The following ZAN variants were observed in gnomAD, a reference collection of about 807,000 sequenced individuals.
The protein encoded by ZAN is zonadhesin.
ZAN carries 260 observed loss-of-function variants against 286.2 expected under a neutral mutation model. The ratio of observed to expected loss-of-function variants is 0.91; its 90% CI spans 0.82 to 1.01. ZAN has a LOEUF of 1.01. ZAN is among the 50% of genes least tolerant of loss of function. The pLI is 0.00. For missense variants in ZAN, 3,410 were observed against 3,639.2 expected, an observed-to-expected ratio of 0.94 and a Z score of 1.62; for synonymous variants, 1,368 against 1,417.5, an observed-to-expected ratio of 0.97 and a Z score of 0.79.
At chr7:100,766,687 G>A in intron 24 of ZAN, 21 bp downstream of exon 24, 1 of 1,559,724 alleles carries the variant, frequency 6.4e-7, no homozygotes, top group South Asian at 1.2e-5. Context: ...AGGGTGGAAG[G>A]TGAGCTGGGG....
chr7:100,791,977 C>T lies in ZAN; in HGVS notation c.7541C>T (p.Ala2514Val), dbSNP rs1057015580. 3.7e-6 allele frequency: 6 copies of T among 1,612,178 alleles called. No homozygotes were observed. Among genetic ancestry groups the T allele is most frequent in the South Asian group, 1.1e-5 (1 of 90,762 alleles). Residue 2514 changes from alanine (A) to valine (V), a missense_variant, in exon 41 of 48, where the codon GCG (alanine) becomes GTG (valine). By Grantham distance (64) the Ala-to-Val change is moderately conservative (BLOSUM62 0). This residue lies in a region of ZAN where 1,289 missense variants were observed against 1,314.3 expected (regional missense o/e 0.98). Transcript: ENST00000613979. ...TGTCTCTACTGCAGGGCTATACCAG[C>T]GGAGGAGGAGGGACAAGGGGCGGAG... ...ALLRFPRAIP[A>V]EEEGQGAELG... is the part of the protein sequence containing the mutation.
Position 100,765,535 on chromosome 7 carries a change from C to T in ZAN, c.4451C>T (p.Pro1484Leu), listed in dbSNP as rs758507234. 5.0e-6 allele frequency: 8 copies of T among 1,606,196 alleles called. No homozygotes were observed. In the South Asian group the frequency reaches 7.8e-5, roughly 16 times the overall value. ...CGCTCCCAGTGTGGGTGCCTCCACC[C>T]TGCAGGCAGCTACTTCAAGGTGAGC... ...IPRSQCGCLHPAGSYFKVGER... is the reference protein window; with the variant it reads ...IPRSQCGCLHLAGSYFKVGER... The change falls in exon 23 of 48, where the codon CCT (proline) becomes CTT (leucine). Residue 1484 changes from proline to leucine, a missense_variant. This residue lies in a region of ZAN where 1,042 missense variants were observed against 1,058.0 expected (regional missense o/e 0.98). Coordinates refer to ENST00000613979, the MANE Select transcript of ZAN (RefSeq NM_003386.3).
chr7:100,765,478 G>C lies in ZAN; in HGVS notation c.4394G>C (p.Gly1465Ala), dbSNP rs187403309. 6.2e-7 allele frequency: 1 copy of C among 1,613,218 alleles called. No individual in the cohort carries two copies. Among genetic ancestry groups the C allele is most frequent in the South Asian group, 1.1e-5 (1 of 90,872 alleles). The change falls in exon 23 of 48, where the codon GGC (glycine) becomes GCC (alanine). Residue 1465 changes from glycine (G) to alanine (A), a missense_variant. By Grantham distance (60) the Gly-to-Ala change is moderately conservative. Transcript: ENST00000613979. Reference sequence around the variant, plus strand: ...GTGGAGGCCTGTGAATGCAATCCGGGCTTCGTCCTCAGTGGCCTCGAGTGC... The same window carrying C: ...GTGGAGGCCTGTGAATGCAATCCGGCCTTCGTCCTCAGTGGCCTCGAGTGC... The part of the protein sequence containing the change: ...RCVEACECNP[G>A]FVLSGLECIP...
Position 100,738,248 on chromosome 7 carries a change from G to A in ZAN, c.614-213G>A, listed in dbSNP as rs937260894. ...CTGGGATTACAGGAGTTAAGTCACC[G>A]TGCCAAGAACTTTTTAAAAATTAGC... On this transcript the variant is annotated intron_variant, in intron 6 of 47. Transcript: ENST00000613979. Among the ~76,000 whole-genome samples the A allele has an allele frequency of 1.4e-5, 2 of 139,952 alleles. 1 individual carries two copies. The highest frequency in any genetic ancestry group is 5.2e-5 in the African/African-American group (2 of 38,284). The allele number at this position is 139,952 out of a possible 152,430, so 91.8% of individuals were successfully genotyped here.
intron 14 of ZAN, 134 bp from the exon 15 acceptor site, chr7:100,755,092 C>T (rs2115884085): frequency 9.3e-7 from 1 of 1,071,462 alleles, no homozygotes; most frequent in South Asian, 1.6e-5. Flanking sequence ...ACCCAGCCTT[C>T]AGGCCTTTTT....
At chr7:100,789,473 G>C in intron 39 of ZAN, 126 bp downstream of exon 39, 1 of 1,431,626 alleles carries the variant, frequency 7.0e-7, no homozygotes, top group Admixed American at 2.1e-5. Context: ...CAGCTTCAGA[G>C]GAGGACCAGG....
At chr7:100,793,127 C>A (rs114439146) in intron 42 of ZAN, among the ~76,000 whole-genome samples, 2,940 of 151,922 alleles carry the variant, frequency 0.019, 100 homozygotes, top group African/African-American at 0.067. Flanking sequence ...TCAATTGAAT[C>A]CAAGAGTTTG....
At chr7:100,762,102 C>A in intron 19 of ZAN, 113 bp from the exon 20 acceptor site, 1 of 1,363,508 alleles carries the variant, frequency 7.3e-7, no homozygotes, top group Non-Finnish European at 1.0e-6. Flanking sequence ...ACCTCTTCAT[C>A]CTCCTCACGC....
At chr7:100,750,940 G>A in intron 12 of ZAN, 44 bp downstream of exon 12, 1 of 1,514,358 alleles carries the variant, frequency 6.6e-7, no homozygotes, top group Non-Finnish European at 8.8e-7. Context: ...AGGTGAGAGG[G>A]CCAATGCCTG....
intron 15 of ZAN, 104 bp downstream of exon 15, chr7:100,755,514 A>G: frequency 7.3e-7 from 1 of 1,365,624 alleles, no homozygotes; most frequent in South Asian, 1.4e-5. Flanking sequence ...GGATCACCGG[A>G]TAGTCCCAAG....
At position 100,773,830 on chromosome 7, in the gene ZAN, G is replaced by C. The variant is rs1382952755; in HGVS notation, c.5744G>C (p.Trp1915Ser). The C allele has an allele frequency of 1.3e-6, 2 of 1,589,710 alleles. No homozygotes were observed. The change falls in exon 31 of 48, where the codon TGG becomes TCG. Residue 1915 changes from tryptophan to serine, a missense_variant. Around this residue, in one of 7 missense-constraint regions of ZAN, gnomAD observed 1,289 missense variants for 1,314.3 expected, o/e 0.98. Transcript: ENST00000613979. ...ACCTGCAAACCCAACCAGATATGCT[G>C]GGCCCTGGATGGGCTGCTCCATTGT... is the stretch of plus-strand genomic sequence containing the variant. ...QSTCKPNQIC[W>S]ALDGLLHCRA... is the part of the protein sequence containing the mutation.
At chr7:100,769,817 G>A (rs1303546382) in intron 27 of ZAN, 63 bp from the exon 28 acceptor site, 2 of 1,459,894 alleles carry the variant, frequency 1.4e-6, no homozygotes, top group Admixed American at 2.0e-5. Flanking sequence ...AAAGTGCTGG[G>A]ATTATAGGCA....
At chr7:100,773,641 G>A in intron 30 of ZAN, 80 bp from the exon 31 acceptor site, 2 of 1,553,924 alleles carry the variant, frequency 1.3e-6, no homozygotes, top group East Asian at 4.7e-5. Context: ...GGCAGATGCT[G>A]CACCCAGCTT....
At chr7:100,788,377 G>A (rs1007509534) in intron 38 of ZAN, among the ~76,000 whole-genome samples, 1 of 151,758 alleles carries the variant, frequency 6.6e-6, no homozygotes, top group Non-Finnish European at 1.5e-5. Context: ...ATAGCAAGAC[G>A]CAACATCTCT....
rs1384952877 is a variant in ZAN, at chr7:100,759,770, C to T, written c.3621C>T (p.Gly1207=). The change falls in exon 18 of 48, where the codon GGC becomes GGT. Residue 1207 remains glycine, a synonymous_variant. Coordinates refer to ENST00000613979, the MANE Select transcript of ZAN (RefSeq NM_003386.3). ...TAKNEEQGQE[G]VSCLSKVYVT... Reference sequence around the variant, plus strand: ...AGAATGAGGAGCAGGGACAGGAAGGCGTGTCCTGCCTGAGCAAAGTCTACG... The same window carrying T: ...AGAATGAGGAGCAGGGACAGGAAGGTGTGTCCTGCCTGAGCAAAGTCTACG... 15 of 1,601,054 alleles carry T rather than the reference C, an allele frequency of 9.4e-6. No homozygotes were observed. Among genetic ancestry groups the T allele is most frequent in the Non-Finnish European group, 1.2e-5 (14 of 1,174,070 alleles).
At chr7:100,739,171 C>T (rs1807572146) in intron 7 of ZAN, among the ~76,000 whole-genome samples, 1 of 134,710 alleles carries the variant, frequency 7.4e-6, no homozygotes, top group Admixed American at 7.5e-5. Context: ...ACCACCATGC[C>T]CGGCTAATTT....
intron 19 of ZAN, 75 bp from the exon 20 acceptor site, chr7:100,762,140 C>T: frequency 6.3e-7 from 1 of 1,585,480 alleles, no homozygotes. Context: ...CAGCTCCTTG[C>T]CTTCTCTGCC....
At chr7:100,765,951 C>T (rs1369996757) in intron 23 of ZAN, among the ~76,000 whole-genome samples, 2 of 151,376 alleles carry the variant, frequency 1.3e-5, no homozygotes, top group East Asian at 1.9e-4. Context: ...GCCACCATGC[C>T]TGGCCCTTGT....
In ZAN at chr7:100,734,550, C is replaced by T. The variant is rs183769838; in HGVS notation, c.53+329C>T. On this transcript the variant is annotated intron_variant, in intron 2 of 47. Coordinates refer to ENST00000613979, the MANE Select transcript of ZAN (RefSeq NM_003386.3). ...AGGAGAATCGCTTGAACCTGGGAGG[C>T]GGAGTTTGCAGTGAGCTGAGATCAT... Among the ~76,000 whole-genome samples the T allele has an allele frequency of 9.7e-5, 13 of 134,566 alleles. 3 individuals are homozygous for T. Among genetic ancestry groups the T allele is most frequent in the African/African-American group, 2.2e-4 (8 of 36,568 alleles). The allele number at this position is 134,566 out of a possible 152,430, so 88.3% of individuals were successfully genotyped here. A position where few individuals can be genotyped will look rare whatever the true frequency, so the allele number is the denominator to read the frequency against.
Sources: allele counts gnomAD v4.1 joint callset (sites outside exome capture counted in the v4.1 genomes callset), GRCh38; gene constraint gnomAD v4.1.1; regional missense constraint gnomAD v4.1.1; transcripts MANE v1.5; gene names NCBI Gene and HGNC (gene_info 2026-07-23, HGNC 2026-07-21).